Variants in KCNQ5 observed in about 807,000 individuals in gnomAD.
KCNQ5 encodes the protein potassium voltage-gated channel subfamily KQT member 5.
In KCNQ5, 30 loss-of-function variants were observed where a neutral mutation model predicts 98.2. The ratio of observed to expected loss-of-function variants is 0.31; its 90% CI spans 0.23 to 0.41. KCNQ5 has a LOEUF of 0.41. Among genes scored for constraint, KCNQ5 ranks in the 10% least tolerant of loss-of-function variants. The pLI, the probability that KCNQ5 is intolerant of heterozygous loss-of-function variation, is 1.00. For synonymous variants in KCNQ5, 458 were observed against 449.4 expected (o/e 1.02, Z -0.24); for missense variants, 835 against 1,182.5 (o/e 0.71, Z 4.31).
chr6:73,134,140 A>G (rs983048065), intron 10 of KCNQ5: 2 of 320,874 alleles, frequency 6.2e-6, no homozygotes, highest in Non-Finnish European at 1.3e-5. Flanking sequence ...TATCTTCCTT[A>G]GAGAGGTTCC....
intron 1 of KCNQ5, among the ~76,000 whole-genome samples, chr6:72,839,698 T>G: frequency 6.6e-6 from 1 of 152,348 alleles, no homozygotes; most frequent in East Asian, 1.9e-4. Flanking sequence ...AAATGTATAT[T>G]TTTATGGGGT....
At chr6:72,672,242 A>C (rs2154473395) in intron 1 of KCNQ5, among the ~76,000 whole-genome samples, 1 of 151,300 alleles carries the variant, frequency 6.6e-6, no homozygotes, top group East Asian at 2.0e-4. Flanking sequence ...CAGCCTCCCA[A>C]GTCCAGGACC....
Position 73,128,896 on chromosome 6 carries a change from C to T in KCNQ5, c.1247+4384C>T, listed in dbSNP as rs980716989. ...GCCACCGAGTGCTTTTTCTGAACCA[C>T]TCCTGTGTGGTTGGCTTTTGGGGGA... On this transcript the variant is annotated intron_variant, in intron 9 of 13. Transcript: ENST00000370398. 2.6e-5 allele frequency among the ~76,000 whole-genome samples: 4 copies of T among 152,258 alleles called. No individual in the cohort carries two copies. In the East Asian group the frequency reaches 7.7e-4, roughly 29 times the overall value.
intron 1 of KCNQ5, among the ~76,000 whole-genome samples, chr6:72,628,690 A>T (rs780120047): frequency 5.3e-5 from 8 of 151,944 alleles, no homozygotes; most frequent in Non-Finnish European, 1.0e-4. Context: ...GCTCACTCCA[A>T]CCTCAGCTTC....
chr6:72,747,317 A>G (rs1771455060), intron 1 of KCNQ5, among the ~76,000 whole-genome samples: 1 of 152,208 alleles, frequency 6.6e-6, no homozygotes, highest in African/African-American at 2.4e-5. Context: ...GCATTAATAA[A>G]GAATTCTTTT....
intron 1 of KCNQ5, among the ~76,000 whole-genome samples, chr6:72,819,557 A>G (rs1343247717): frequency 6.6e-6 from 1 of 152,220 alleles, no homozygotes; most frequent in African/African-American, 2.4e-5. Context: ...ATTATCTGAT[A>G]TTCCATAAGC....
At chr6:72,826,256 A>G (rs147937068) in intron 1 of KCNQ5, among the ~76,000 whole-genome samples, 100 of 152,296 alleles carry the variant, frequency 6.6e-4, no homozygotes, top group African/African-American at 2.2e-3. Flanking sequence ...CTGCAAGATT[A>G]GTCATTAGAT....
intron 1 of KCNQ5, among the ~76,000 whole-genome samples, chr6:72,983,941 C>G (rs965740406): frequency 6.6e-6 from 1 of 152,182 alleles, no homozygotes; most frequent in Non-Finnish European, 1.5e-5. Flanking sequence ...CCCTCAGCTG[C>G]AGATCTATTG....
chr6:73,103,164 C>T (rs1048537912), intron 5 of KCNQ5, among the ~76,000 whole-genome samples: 3 of 152,082 alleles, frequency 2.0e-5, no homozygotes, highest in Admixed American at 6.5e-5. Flanking sequence ...TGGATGCAAG[C>T]GGAGCTCATT....
intron 1 of KCNQ5, among the ~76,000 whole-genome samples, chr6:72,965,592 A>G (rs1357967916): frequency 6.6e-6 from 1 of 152,154 alleles, no homozygotes; most frequent in African/African-American, 2.4e-5. Context: ...TCATCTGAGC[A>G]GATGTTCTTA....
At position 72,640,786 on chromosome 6, in the gene KCNQ5, A is replaced by G. The variant is rs1423226414; in HGVS notation, c.398+18199A>G. The G allele has an allele frequency of 2.6e-5, 4 of 152,160 alleles. No homozygotes were observed. In the South Asian group the frequency reaches 6.2e-4, roughly 24 times the overall value. 9.4% of individuals were successfully genotyped at this position (152,160 alleles called of 1,614,324 possible). On this transcript the variant is annotated intron_variant, in intron 1 of 13. Transcript: ENST00000370398. Reference sequence around the variant, plus strand: ...AGTAGCTTCCTCAGGATCAAGTACTATTGGAGCCAGCATTGGTGGTCAATC... The same window carrying G: ...AGTAGCTTCCTCAGGATCAAGTACTGTTGGAGCCAGCATTGGTGGTCAATC...
At chr6:72,687,053 T>C (rs948729086) in intron 1 of KCNQ5, among the ~76,000 whole-genome samples, 7 of 152,208 alleles carry the variant, frequency 4.6e-5, no homozygotes, top group Non-Finnish European at 8.8e-5. Flanking sequence ...TCTTAACTTA[T>C]CAGTTAATTG....
At chr6:73,128,764 A>G (rs1443589307) in intron 9 of KCNQ5, among the ~76,000 whole-genome samples, 5 of 152,372 alleles carry the variant, frequency 3.3e-5, no homozygotes, top group African/African-American at 4.8e-5. Context: ...TTCTGAGTAG[A>G]CTAAAGTTGC....
At chr6:72,727,211 G>A (rs770340781) in intron 1 of KCNQ5, among the ~76,000 whole-genome samples, 12 of 152,234 alleles carry the variant, frequency 7.9e-5, no homozygotes, top group Admixed American at 3.3e-4. Context: ...GGGACAAAAA[G>A]TGAGAAATGT....
In KCNQ5 at chr6:73,195,151, C is replaced by T. The variant is rs1014495488; in HGVS notation, c.2536C>T (p.Leu846Phe). The change falls in exon 14 of 14, where the codon CTT becomes TTT. Residue 846 changes from leucine (L) to phenylalanine (F), a missense_variant. By Grantham distance (22) the Leu-to-Phe change is conservative. Coordinates refer to ENST00000370398, the MANE Select transcript of KCNQ5 (RefSeq NM_019842.4). Reference sequence around the variant, plus strand: ...GTCGACCGAGGAACTGAATATACAACTTTCAGGGAGTGAGTCAAGTGGCTC... The same window carrying T: ...GTCGACCGAGGAACTGAATATACAATTTTCAGGGAGTGAGTCAAGTGGCTC... ...IRSTEELNIQLSGSESSGSRG... is the reference protein window; with the variant it reads ...IRSTEELNIQFSGSESSGSRG... 1.2e-6 allele frequency: 2 copies of T among 1,614,086 alleles called. No individual in the cohort carries two copies. Among genetic ancestry groups the T allele is most frequent in the South Asian group, 1.1e-5 (1 of 91,080 alleles).
At chr6:72,768,859 C>G (rs1772711017) in intron 1 of KCNQ5, among the ~76,000 whole-genome samples, 1 of 151,674 alleles carries the variant, frequency 6.6e-6, no homozygotes, top group Non-Finnish European at 1.5e-5. Context: ...TCATCGTGTC[C>G]CAATCTGGGA....
chr6:72,688,039 A>G (rs987296096), intron 1 of KCNQ5, among the ~76,000 whole-genome samples: 3 of 152,064 alleles, frequency 2.0e-5, no homozygotes, highest in African/African-American at 4.8e-5. Flanking sequence ...GGGTTTCACC[A>G]TATTGGCCAG....
intron 1 of KCNQ5, among the ~76,000 whole-genome samples, chr6:72,757,872 C>T (rs747201990): frequency 2.0e-5 from 3 of 152,048 alleles, no homozygotes; most frequent in Non-Finnish European, 4.4e-5. Context: ...AGTTACAAAA[C>T]ATATCAATGA....
At chr6:72,632,348 A>G (rs569418304) in intron 1 of KCNQ5, among the ~76,000 whole-genome samples, 1 of 151,776 alleles carries the variant, frequency 6.6e-6, no homozygotes, top group South Asian at 2.1e-4. Context: ...TCACCGTGTT[A>G]GCCAGGATGG....
Sources: allele counts gnomAD v4.1 joint callset (sites outside exome capture counted in the v4.1 genomes callset), GRCh38; gene constraint gnomAD v4.1.1; transcripts MANE v1.5; gene names NCBI Gene and HGNC (gene_info 2026-07-23, HGNC 2026-07-21).